Variants in CELF2 observed in about 807,000 individuals in gnomAD.
CELF2 encodes the protein CUGBP Elav-like family member 2.
Under a neutral mutation model 62.6 loss-of-function variants are expected in CELF2, and 8 were observed. The observed-to-expected ratio is 0.13, with a 90% CI of 0.07 to 0.23. The LOEUF (loss-of-function observed/expected upper bound fraction) is 0.23, where lower values mean the gene tolerates loss of function less well. Among genes scored for constraint, CELF2 ranks in the 10% least tolerant of loss-of-function variants. CELF2 has a pLI of 1.00. For synonymous variants in CELF2, 258 were observed against 250.0 expected, an observed-to-expected ratio of 1.03 and a Z score of -0.30; for missense variants, 333 against 671.0, an observed-to-expected ratio of 0.50 and a Z score of 5.56.
At chr10:10,482,419 G>T in the CELF2 span, among the ~76,000 whole-genome samples, 1 of 152,270 alleles carries the variant, frequency 6.6e-6, no homozygotes, top group Middle Eastern at 3.4e-3. Context: ...ATGTTAATAG[G>T]AGTTGGCTGT....
At chr10:10,560,292 T>A in the CELF2 span, among the ~76,000 whole-genome samples, 1 of 152,334 alleles carries the variant, frequency 6.6e-6, no homozygotes, top group South Asian at 2.1e-4. Flanking sequence ...TACAAAAACA[T>A]ACAGCTTATT....
chr10:10,767,696 C>T, the CELF2 span, among the ~76,000 whole-genome samples: 3 of 152,010 alleles, frequency 2.0e-5, no homozygotes, highest in Admixed American at 1.3e-4. Context: ...GGGAAGTAAG[C>T]GGTAAAAATA....
intron 5 of CELF2, 40 bp downstream of exon 5, chr10:11,257,912 A>G (rs1327972313): frequency 6.2e-7 from 1 of 1,608,824 alleles, no homozygotes; most frequent in Non-Finnish European, 8.5e-7. Flanking sequence ...CTTCAGTGCT[A>G]ATTGGAGCTC....
chr10:10,550,242 CTTCTT>C, the CELF2 span, among the ~76,000 whole-genome samples: 5 of 152,184 alleles, frequency 3.3e-5, no homozygotes, highest in Non-Finnish European at 4.4e-5. Flanking sequence ...AATATTCACT[CTTCTT>C]TAAGTGGAAG....
rs1212927777 is a variant in CELF2 at position 11,214,433 on chromosome 10, C to T, written c.272-2992C>T. 6.6e-6 allele frequency among the ~76,000 whole-genome samples: 1 copy of T among 152,168 alleles called. No individual in the cohort carries two copies. The highest frequency in any genetic ancestry group is 1.5e-5 in the Non-Finnish European group (1 of 68,014). On this transcript the variant is annotated intron_variant, in intron 2 of 12. Transcript: ENST00000633077. This position sits in a 1 kb window ranked among gnomAD's most constrained non-coding sequence, Gnocchi z 4.2. ...CAGTCTCCTTGTCTGCCCAGGACCCCACATTTGTGTAAGTTGCTAATTGCA... is the reference window on the plus strand; with the variant it reads ...CAGTCTCCTTGTCTGCCCAGGACCCTACATTTGTGTAAGTTGCTAATTGCA...
At chr10:10,664,275 G>T in the CELF2 span, among the ~76,000 whole-genome samples, 1 of 152,180 alleles carries the variant, frequency 6.6e-6, no homozygotes. Flanking sequence ...TCACTACTCA[G>T]TTCAAATATT....
In CELF2 at chr10:11,237,721, C is replaced by T. The variant is rs924425468; in HGVS notation, c.355-11432C>T. Among the ~76,000 whole-genome samples, 1 of 150,212 alleles carries T rather than the reference C, an allele frequency of 6.7e-6. No homozygotes were observed. The highest frequency in any genetic ancestry group is 2.5e-5 in the African/African-American group (1 of 40,518). ...TCGAGAACTGAGTCACAGTGAGCCCCACCTGACAACAGCTGGCACTGGGGA... is the reference window on the plus strand; with the variant it reads ...TCGAGAACTGAGTCACAGTGAGCCCTACCTGACAACAGCTGGCACTGGGGA... On this transcript the variant is annotated intron_variant, in intron 3 of 12. Coordinates refer to ENST00000633077, the MANE Select transcript of CELF2 (RefSeq NM_001326342.2). The surrounding 1 kb of genome is among the most constrained non-coding windows in gnomAD (Gnocchi z 4.0).
At chr10:10,978,241 A>G (rs1418250529) in intron 2 of CELF2, among the ~76,000 whole-genome samples, 1 of 152,150 alleles carries the variant, frequency 6.6e-6, no homozygotes, top group Non-Finnish European at 1.5e-5. Flanking sequence ...TACGCAGAAA[A>G]TGAATATCCA....
chr10:10,601,951 C>A, the CELF2 span, among the ~76,000 whole-genome samples: 2 of 151,974 alleles, frequency 1.3e-5, no homozygotes, highest in South Asian at 2.1e-4. Context: ...CATGTGTTCT[C>A]ATTGTTCAAC....
chr10:10,576,039 A>G, the CELF2 span, among the ~76,000 whole-genome samples: 2 of 152,194 alleles, frequency 1.3e-5, no homozygotes, highest in Admixed American at 6.5e-5. Context: ...TTGCATTCAG[A>G]ATCTTTTGCA....
chr10:10,955,786 C>G (rs765625190), intron 2 of CELF2, among the ~76,000 whole-genome samples: 12 of 152,162 alleles, frequency 7.9e-5, no homozygotes, highest in Non-Finnish European at 1.5e-4. Flanking sequence ...GAACCAGACA[C>G]TAGGATACTG....
chr10:11,318,821 C>CTG lies in CELF2; in HGVS notation c.1097-2364_1097-2363dup, dbSNP rs1298572178. Reference sequence around the variant, plus strand: ...AGTGACCACTGCCATAAAATGCCACCTGTGTATCTGGCACTCTGGAGAAGC... The same window carrying CTG: ...AGTGACCACTGCCATAAAATGCCACCTGTGTGTATCTGGCACTCTGGAGAAGC... On this transcript the variant is annotated intron_variant, in intron 10 of 12. Coordinates refer to ENST00000633077, the MANE Select transcript of CELF2 (RefSeq NM_001326342.2). This position sits in a 1 kb window ranked among gnomAD's most constrained non-coding sequence, Gnocchi z 5.4. The CTG allele has an allele frequency of 2.1e-6, 1 of 471,170 alleles. No homozygotes were observed. Among genetic ancestry groups the CTG allele is most frequent in the African/African-American group, 2.0e-5 (1 of 50,072 alleles). The allele number at this position is 471,170 out of a possible 1,614,324, so 29.2% of individuals were successfully genotyped here.
At chr10:11,225,888 C>T (rs2066359525) in intron 3 of CELF2, among the ~76,000 whole-genome samples, 1 of 152,058 alleles carries the variant, frequency 6.6e-6, no homozygotes, top group African/African-American at 2.4e-5. Context: ...GGTGATGTAT[C>T]GATAGCATTC....
rs769010595 is a variant in CELF2 at position 11,288,488 on chromosome 10, C to A, written c.912C>A (p.Ala304=). The A allele has an allele frequency of 2.5e-6, 4 of 1,614,008 alleles. No homozygotes were observed. The Admixed American group carries it at 6.7e-5, about 27-fold the overall frequency. Residue 304 remains alanine (A), a synonymous_variant, in exon 9 of 13, where the codon GCC becomes GCA. Coordinates refer to ENST00000633077, the MANE Select transcript of CELF2 (RefSeq NM_001326342.2). ...CTGCAGCTGCGGCCCAGACCTCAGC[C>A]ACCAGCACCAATGCAAACCCTCTCT... is the stretch of plus-strand genomic sequence containing the variant. ...AAAAAAAQTS[A]TSTNANPLST...
chr10:10,805,536 C>T (rs565051055), intron 1 of CELF2, among the ~76,000 whole-genome samples: 4 of 152,178 alleles, frequency 2.6e-5, no homozygotes, highest in African/African-American at 4.8e-5. Context: ...TGGAGCTTTA[C>T]GAGGCGGGCA....
chr10:11,147,088 A>G (rs986453676), intron 1 of CELF2, among the ~76,000 whole-genome samples: 4 of 152,178 alleles, frequency 2.6e-5, no homozygotes, highest in Admixed American at 2.6e-4. Flanking sequence ...TATCTGATCA[A>G]TCTTTCATCC....
chr10:11,208,252 G>T (rs76025008), intron 2 of CELF2, among the ~76,000 whole-genome samples: 1,789 of 152,178 alleles, frequency 0.012, 33 homozygotes, highest in African/African-American at 0.041. Flanking sequence ...TTGGCCCTAT[G>T]AAGGTTCACT....
chr10:10,973,416 T>G (rs185105048), intron 2 of CELF2, among the ~76,000 whole-genome samples: 3 of 152,114 alleles, frequency 2.0e-5, no homozygotes, highest in African/African-American at 7.2e-5. Flanking sequence ...TGTAAGAGCT[T>G]TGTGGCATTT....
chr10:10,680,046 C>T, the CELF2 span, among the ~76,000 whole-genome samples: 1 of 152,016 alleles, frequency 6.6e-6, no homozygotes, highest in Non-Finnish European at 1.5e-5. Context: ...CTCATTTAAC[C>T]ACCACCAGAT....
Sources: gnomAD v4.1 joint callset for allele counts (sites outside exome capture counted in the v4.1 genomes callset) on GRCh38, gnomAD v4.1.1 for gene constraint, Gnocchi (gnomAD v3.1) non-coding constraint, MANE v1.5 for transcripts, NCBI Gene and HGNC (gene_info 2026-07-23, HGNC 2026-07-21) for gene names.